The following UBTD1 variants were observed in gnomAD, a reference collection of about 807,000 sequenced individuals.
UBTD1 encodes the protein ubiquitin domain-containing protein 1.
Under a neutral mutation model 21.7 loss-of-function variants are expected in UBTD1, and 19 were observed. The observed-to-expected ratio is 0.87, with a 90% CI of 0.61 to 1.28. The LOEUF (loss-of-function observed/expected upper bound fraction) is 1.28. Among genes scored for constraint, UBTD1 ranks in the 50% most tolerant of loss-of-function variants. The probability of loss-of-function intolerance (pLI) is 0.00; values close to 1 mark genes in which losing one functional copy is unlikely to be tolerated. For missense variants in UBTD1, 282 were observed against 315.1 expected, an observed-to-expected ratio of 0.89 and a Z score of 0.80; for synonymous variants, 116 against 135.1, an observed-to-expected ratio of 0.86 and a Z score of 0.98.
intron 1 of UBTD1, among the ~76,000 whole-genome samples, chr10:97,503,790 A>G (rs1410922338): frequency 6.6e-6 from 1 of 152,172 alleles, no homozygotes; most frequent in East Asian, 1.9e-4. Flanking sequence ...GCAGACAGTA[A>G]ACACATAGTC....
chr10:97,501,313 G>A (rs934858941), intron 1 of UBTD1, among the ~76,000 whole-genome samples: 22 of 152,202 alleles, frequency 1.4e-4, no homozygotes, highest in Admixed American at 5.2e-4. Flanking sequence ...TTGGCCAGGC[G>A]TGGTGGCTCA....
rs1480080464 is a variant in UBTD1, at chr10:97,499,280, A to G, written c.70+7A>G. 13 of 1,548,188 alleles carry G rather than the reference A, an allele frequency of 8.4e-6. No homozygotes were observed. The highest frequency in any genetic ancestry group is 1.1e-5 in the Non-Finnish European group (13 of 1,145,652). On this transcript the variant is annotated splice_region_variant and intron_variant, in intron 1 of 2. Coordinates refer to ENST00000370664, the MANE Select transcript of UBTD1 (RefSeq NM_024954.5). ...CACCCCCGCAAGCGAGCAGGTAACG[A>G]TGGGGAAGGGAGCAGGGCCTCGGGC...
At chr10:97,523,228 G>A (rs900845500) in intron 1 of UBTD1, among the ~76,000 whole-genome samples, 3 of 152,104 alleles carry the variant, frequency 2.0e-5, no homozygotes, top group Admixed American at 6.5e-5. Flanking sequence ...TTACCCCACC[G>A]GGACATTTTA....
At chr10:97,502,187 C>A (rs1172300276) in intron 1 of UBTD1, among the ~76,000 whole-genome samples, 1 of 151,960 alleles carries the variant, frequency 6.6e-6, no homozygotes, top group Non-Finnish European at 1.5e-5. Context: ...CATATATCTG[C>A]ATTTTTTTTT....
chr10:97,562,425 T>A (rs2040697091), intron 1 of UBTD1, among the ~76,000 whole-genome samples: 1 of 152,202 alleles, frequency 6.6e-6, no homozygotes. Flanking sequence ...GCATTATCGT[T>A]AGTTCTTGTA....
Position 97,568,153 on chromosome 10 carries a change from G to A in UBTD1, c.298+12G>A. ...CACCCTGCCTCATGGTAAGTGGGCAGGGCCAGGGCTTTATCCCCGCTGGAG... is the reference window on the plus strand; with the variant it reads ...CACCCTGCCTCATGGTAAGTGGGCAAGGCCAGGGCTTTATCCCCGCTGGAG... On this transcript the variant is annotated intron_variant, in intron 2 of 2. Coordinates refer to ENST00000370664, the MANE Select transcript of UBTD1 (RefSeq NM_024954.5). The A allele has an allele frequency of 6.2e-7, 1 of 1,613,292 alleles. No homozygotes were observed. Among genetic ancestry groups the A allele is most frequent in the Non-Finnish European group, 8.5e-7 (1 of 1,179,912 alleles).
At chr10:97,522,294 G>A (rs1163157158) in intron 1 of UBTD1, among the ~76,000 whole-genome samples, 3 of 152,224 alleles carry the variant, frequency 2.0e-5, no homozygotes, top group Non-Finnish European at 4.4e-5. Context: ...TGAATGCGTT[G>A]GCCTGTCTCT....
At chr10:97,528,480 G>A (rs2040504827) in intron 1 of UBTD1, among the ~76,000 whole-genome samples, 1 of 72,554 alleles carries the variant, frequency 1.4e-5, no homozygotes, top group Non-Finnish European at 2.8e-5. Flanking sequence ...CGGCCGGGCA[G>A]AGGTGCCCCT....
chr10:97,549,349 C>G (rs528860817), intron 1 of UBTD1, among the ~76,000 whole-genome samples: 1 of 152,340 alleles, frequency 6.6e-6, no homozygotes, highest in South Asian at 2.1e-4. Context: ...GGGTTTCTTG[C>G]AGACAGCTCT....
chr10:97,511,792 T>G (rs2040424165), intron 1 of UBTD1, among the ~76,000 whole-genome samples: 1 of 152,202 alleles, frequency 6.6e-6, no homozygotes, highest in South Asian at 2.1e-4. Flanking sequence ...AATTTATTAA[T>G]CTCCTACCAT....
intron 1 of UBTD1, among the ~76,000 whole-genome samples, chr10:97,506,155 G>T (rs976725367): frequency 2.6e-5 from 4 of 152,222 alleles, no homozygotes; most frequent in Non-Finnish European, 5.9e-5. Flanking sequence ...GGGACCTAGT[G>T]GTGGGCAGAG....
chr10:97,507,774 CAAAAAAAA>C (rs61128714), intron 1 of UBTD1, among the ~76,000 whole-genome samples: 1 of 59,542 alleles, frequency 1.7e-5, no homozygotes, highest in African/African-American at 6.5e-5. Flanking sequence ...GACTCCGTCT[CAAAAAAAA>C]AAAAAAAAAA....
At chr10:97,531,715 C>T (rs530244223) in intron 1 of UBTD1, among the ~76,000 whole-genome samples, 1 of 152,296 alleles carries the variant, frequency 6.6e-6, no homozygotes, top group East Asian at 1.9e-4. Flanking sequence ...GACCCTCTGG[C>T]CCTTTCTGAG....
intron 1 of UBTD1, among the ~76,000 whole-genome samples, chr10:97,528,841 G>C (rs1032703210): frequency 6.9e-6 from 1 of 145,282 alleles, no homozygotes; most frequent in Non-Finnish European, 1.5e-5. Context: ...CCCAGTAGGG[G>C]CGGCCGGGCA....
intron 1 of UBTD1, among the ~76,000 whole-genome samples, chr10:97,565,168 A>G (rs2040711478): frequency 6.6e-6 from 1 of 152,118 alleles, no homozygotes; most frequent in Admixed American, 6.5e-5. Context: ...CTCAGAATAA[A>G]TCTCTTCAAA....
At chr10:97,520,774 G>T (rs556442446) in intron 1 of UBTD1, among the ~76,000 whole-genome samples, 13 of 152,258 alleles carry the variant, frequency 8.5e-5, no homozygotes, top group African/African-American at 2.9e-4. Flanking sequence ...GAGAGAAAGG[G>T]AAATAAGCAA....
intron 1 of UBTD1, among the ~76,000 whole-genome samples, chr10:97,545,394 GTGTGT>G (rs2040605363): frequency 2.3e-5 from 2 of 86,016 alleles, no homozygotes; most frequent in South Asian, 4.6e-4. Context: ...GCTCGTGTGT[GTGTGT>G]GTGTGTGTGT....
chr10:97,520,650 G>C (rs1469392937), intron 1 of UBTD1, among the ~76,000 whole-genome samples: 1 of 152,156 alleles, frequency 6.6e-6, no homozygotes, highest in Non-Finnish European at 1.5e-5. Flanking sequence ...GGGACTGAGG[G>C]AGCCGTGTTT....
intron 1 of UBTD1, among the ~76,000 whole-genome samples, chr10:97,519,441 G>C (rs1475883926): frequency 6.6e-6 from 1 of 152,166 alleles, no homozygotes; most frequent in Non-Finnish European, 1.5e-5. Flanking sequence ...TCTCTCCTGA[G>C]CATGCTTGAA....
Sources: gnomAD v4.1 joint callset for allele counts (sites outside exome capture counted in the v4.1 genomes callset) on GRCh38, gnomAD v4.1.1 for gene constraint, MANE v1.5 for transcripts, NCBI Gene and HGNC (gene_info 2026-07-23, HGNC 2026-07-21) for gene names.